CFAP54: variants seen among roughly 807,000 people sequenced by gnomAD.
The protein encoded by CFAP54 is cilia- and flagella-associated protein 54.
A neutral mutation model predicts 370.4 loss-of-function variants in CFAP54; 290 were observed. The observed-to-expected ratio is 0.78, with a 90% CI of 0.71 to 0.86. The LOEUF is 0.86. Among genes scored for constraint, CFAP54 ranks in the 40% least tolerant of loss-of-function variants. The pLI is 0.00. For missense variants in CFAP54, 3,399 were observed against 3,528.7 expected (o/e 0.96, Z 0.93); for synonymous variants, 1,206 against 1,236.5 (o/e 0.98, Z 0.52).
intron 50 of CFAP54, among the ~76,000 whole-genome samples, chr12:96,728,443 A>G (rs1318706312): frequency 3.9e-5 from 6 of 152,026 alleles, no homozygotes; most frequent in African/African-American, 1.5e-4. Flanking sequence ...TCCATCACTG[A>G]TACCCTTTCT....
At chr12:96,678,559 TC>T (rs1957237193) in intron 39 of CFAP54, among the ~76,000 whole-genome samples, 1 of 152,122 alleles carries the variant, frequency 6.6e-6, no homozygotes, top group African/African-American at 2.4e-5. Flanking sequence ...GCCTAGCTAT[TC>T]CTGTTCTTAT....
rs1417762942 is a variant in CFAP54 at position 96,598,713 on chromosome 12, G to A, written c.3585G>A (p.Ala1195=). ...PSIVCSKKHT[A]SFESIQHMIA... is the part of the protein sequence containing the mutation. ...TTGTCTGCTCGAAGAAACATACTGC[G>A]AGCTTTGAAAGTATACAACACATGA... Residue 1195 remains alanine, a synonymous_variant, in exon 26 of 68, where the codon GCG becomes GCA. Coordinates refer to ENST00000524981, the MANE Select transcript of CFAP54 (RefSeq NM_001306084.2). 1 of 682,204 alleles carries A rather than the reference G, an allele frequency of 1.5e-6. No homozygotes were observed. The highest frequency in any genetic ancestry group is 2.7e-5 in the East Asian group (1 of 36,838). The allele number at this position is 682,204 out of a possible 1,614,324, so 42.3% of individuals were successfully genotyped here.
intron 1 of CFAP54, among the ~76,000 whole-genome samples, chr12:96,499,535 G>A (rs1335702680): frequency 6.6e-6 from 1 of 152,100 alleles, no homozygotes; most frequent in African/African-American, 2.4e-5. Context: ...AAATAGTACA[G>A]CCACTTTGGA....
At chr12:96,802,608 A>C (rs981255599) in intron 63 of CFAP54, among the ~76,000 whole-genome samples, 1 of 152,140 alleles carries the variant, frequency 6.6e-6, no homozygotes, top group East Asian at 1.9e-4. Flanking sequence ...CTGCCCACAC[A>C]TCTGGCCGAC....
chr12:96,773,950 T>A (rs549314667), intron 60 of CFAP54, among the ~76,000 whole-genome samples: 1 of 152,222 alleles, frequency 6.6e-6, no homozygotes, highest in Non-Finnish European at 1.5e-5. Context: ...AAAAAGGTTA[T>A]GCCACTTTGT....
At chr12:96,621,875 G>GTTTTTTTTTTT (rs71068819) in intron 27 of CFAP54, among the ~76,000 whole-genome samples, 154 bp downstream of exon 27, 674 of 50,022 alleles carry the variant, frequency 0.013, 122 homozygotes, top group East Asian at 0.087. Context: ...TTTTGGGTTT[G>GTTTTTTTTTTT]TTTTTTTTTT....
At chr12:96,762,973 A>G (rs929337775) in intron 58 of CFAP54, among the ~76,000 whole-genome samples, 3 of 152,128 alleles carry the variant, frequency 2.0e-5, no homozygotes, top group African/African-American at 7.2e-5. Flanking sequence ...CAGAAGTAAA[A>G]TAAAGATACT....
intron 36 of CFAP54, 147 bp downstream of exon 36, chr12:96,651,962 A>T (rs1199252452): frequency 1.6e-6 from 1 of 617,226 alleles, no homozygotes; most frequent in Non-Finnish European, 2.8e-6. Flanking sequence ...TTTGTTTACA[A>T]TATATAACTT....
chr12:96,567,589 C>G (rs1288037560), intron 19 of CFAP54, among the ~76,000 whole-genome samples: 1 of 151,804 alleles, frequency 6.6e-6, no homozygotes, highest in African/African-American at 2.4e-5. Context: ...TTGTCTAGTG[C>G]TTGGAGGACA....
At chr12:96,702,225 GCATGTTAA>G (rs1957499833) in intron 46 of CFAP54, among the ~76,000 whole-genome samples, 1 of 151,912 alleles carries the variant, frequency 6.6e-6, no homozygotes, top group Non-Finnish European at 1.5e-5. Flanking sequence ...CCAGATAGGA[GCATGTTAA>G]GTATGAGACA....
intron 48 of CFAP54, among the ~76,000 whole-genome samples, chr12:96,711,740 T>C (rs1957617511): frequency 6.6e-6 from 1 of 152,224 alleles, no homozygotes; most frequent in Admixed American, 6.5e-5. Flanking sequence ...CAATAATTTT[T>C]ACTAATTTAA....
chr12:96,631,605 T>C (rs2136476667), intron 32 of CFAP54, among the ~76,000 whole-genome samples: 1 of 150,860 alleles, frequency 6.6e-6, no homozygotes. Flanking sequence ...TAATAAATTA[T>C]ATAATAGTGT....
At chr12:96,516,716 C>T (rs1290819737) in intron 5 of CFAP54, among the ~76,000 whole-genome samples, 3 of 152,236 alleles carry the variant, frequency 2.0e-5, no homozygotes, top group South Asian at 4.1e-4. Context: ...TTCTAAGAAA[C>T]GATTGATTTC....
At chr12:96,596,605 A>C (rs1467221043) in intron 25 of CFAP54, among the ~76,000 whole-genome samples, 1 of 152,114 alleles carries the variant, frequency 6.6e-6, no homozygotes, top group African/African-American at 2.4e-5. Flanking sequence ...AAAATAAAGC[A>C]AAAACTTTAG....
intron 66 of CFAP54, among the ~76,000 whole-genome samples, chr12:96,843,013 G>A (rs773851238): frequency 2.0e-5 from 3 of 152,228 alleles, no homozygotes; most frequent in African/African-American, 7.2e-5. Context: ...AAAGAAGTCA[G>A]CATGAGCAGG....
intron 34 of CFAP54, 133 bp downstream of exon 34, chr12:96,648,150 G>C (rs1012387680): frequency 2.2e-5 from 13 of 579,116 alleles, no homozygotes; most frequent in Middle Eastern, 4.8e-4. Flanking sequence ...ATTTAGTTGA[G>C]TTTTGATATT....
chr12:96,633,570 A>T (rs1592896363), intron 32 of CFAP54, among the ~76,000 whole-genome samples: 1 of 152,220 alleles, frequency 6.6e-6, no homozygotes, highest in Non-Finnish European at 1.5e-5. Context: ...TTCACTTAGC[A>T]TAATTCCCTT....
intron 2 of CFAP54, among the ~76,000 whole-genome samples, chr12:96,502,921 TGAAA>T (rs1955046725): frequency 1.3e-5 from 2 of 152,198 alleles, no homozygotes; most frequent in African/African-American, 2.4e-5. Flanking sequence ...TGTTGACAGA[TGAAA>T]GAGAGGCAAG....
intron 26 of CFAP54, among the ~76,000 whole-genome samples, chr12:96,616,257 C>G (rs1241028462): frequency 6.6e-6 from 1 of 151,842 alleles, no homozygotes; most frequent in Non-Finnish European, 1.5e-5. Flanking sequence ...CAAACTATCC[C>G]AAAGACAAAA....
Sources: gnomAD v4.1 joint callset for allele counts (sites outside exome capture counted in the v4.1 genomes callset) on GRCh38, gnomAD v4.1.1 for gene constraint, MANE v1.5 for transcripts, NCBI Gene and HGNC (gene_info 2026-07-23, HGNC 2026-07-21) for gene names.